Variants in GALNT13 observed in about 807,000 individuals in gnomAD.
GALNT13 encodes UDP-GalNAc:polypeptide N-acetylgalactosaminyltransferase 13.
A neutral mutation model predicts 64.2 loss-of-function variants in GALNT13; 28 were observed. The observed-to-expected ratio is 0.44, with a 90% CI of 0.32 to 0.60. The LOEUF (loss-of-function observed/expected upper bound fraction) is 0.60, where lower values mean the gene tolerates loss of function less well. Ranked by LOEUF, GALNT13 falls within the 20% of genes least tolerant of loss-of-function variation. The pLI is 0.05. For missense variants in GALNT13, 577 were observed against 669.8 expected, an observed-to-expected ratio of 0.86 and a Z score of 1.53; for synonymous variants, 214 against 224.6, an observed-to-expected ratio of 0.95 and a Z score of 0.42.
the GALNT13 span, among the ~76,000 whole-genome samples, chr2:153,391,681 G>C: frequency 9.5e-4 from 145 of 152,062 alleles, no homozygotes; most frequent in African/African-American, 3.4e-3. Flanking sequence ...ATTTATGATA[G>C]AGTATGAACT....
intron 11 of GALNT13, among the ~76,000 whole-genome samples, chr2:154,414,956 A>G (rs1023450125): frequency 2.6e-5 from 4 of 151,928 alleles, no homozygotes; most frequent in African/African-American, 9.7e-5. Context: ...TCATAGTCTT[A>G]TTAGGAATAT....
chr2:154,129,299 G>A (rs1287528494), intron 3 of GALNT13, among the ~76,000 whole-genome samples: 5 of 152,138 alleles, frequency 3.3e-5, no homozygotes, highest in African/African-American at 1.2e-4. Context: ...AGAAAGCAAA[G>A]TATGCTGGTC....
At chr2:153,951,656 C>A (rs759182042) in intron 3 of GALNT13, among the ~76,000 whole-genome samples, 1 of 152,018 alleles carries the variant, frequency 6.6e-6, no homozygotes, top group Non-Finnish European at 1.5e-5. Context: ...TGAGGGTGGA[C>A]TTTGAGTTTG....
At chr2:153,598,878 C>A in the GALNT13 span, among the ~76,000 whole-genome samples, 1 of 151,998 alleles carries the variant, frequency 6.6e-6, no homozygotes, top group South Asian at 2.1e-4. Flanking sequence ...CTGAAAAATT[C>A]TTTCAGTTGA....
the GALNT13 span, among the ~76,000 whole-genome samples, chr2:153,335,230 G>A: frequency 6.6e-6 from 1 of 152,132 alleles, no homozygotes; most frequent in Non-Finnish European, 1.5e-5. Flanking sequence ...CAGTAAGTTG[G>A]TATCAGTAGA....
chr2:153,383,969 A>G, the GALNT13 span, among the ~76,000 whole-genome samples: 2 of 151,798 alleles, frequency 1.3e-5, no homozygotes, highest in South Asian at 4.2e-4. Flanking sequence ...AAGTAAGATA[A>G]GATATTGACC....
At chr2:153,134,402 C>T in the GALNT13 span, among the ~76,000 whole-genome samples, 1 of 151,682 alleles carries the variant, frequency 6.6e-6, no homozygotes, top group Admixed American at 6.6e-5. Context: ...TTGTCATTTC[C>T]GGAAGTGAAT....
chr2:154,185,689 A>AT (rs930301983), intron 4 of GALNT13, among the ~76,000 whole-genome samples: 7 of 151,670 alleles, frequency 4.6e-5, no homozygotes, highest in African/African-American at 1.5e-4. Flanking sequence ...CAGAATTTCT[A>AT]TTTTTTTATA....
chr2:153,979,841 C>T (rs1460819593), intron 3 of GALNT13, among the ~76,000 whole-genome samples: 1 of 152,054 alleles, frequency 6.6e-6, no homozygotes, highest in African/African-American at 2.4e-5. Context: ...GTTTAAGCCT[C>T]GTCAAAAGTC....
At chr2:153,080,581 C>T in the GALNT13 span, among the ~76,000 whole-genome samples, 1 of 151,780 alleles carries the variant, frequency 6.6e-6, no homozygotes, top group Non-Finnish European at 1.5e-5. Context: ...GTTTTGTTTA[C>T]CCTTGAAAAA....
At chr2:154,084,873 T>G (rs1701450405) in intron 3 of GALNT13, among the ~76,000 whole-genome samples, 1 of 151,974 alleles carries the variant, frequency 6.6e-6, no homozygotes, top group African/African-American at 2.4e-5. Flanking sequence ...AACATTTGCC[T>G]TAAATTTGTT....
the GALNT13 span, among the ~76,000 whole-genome samples, chr2:153,101,732 G>C: frequency 1.3e-5 from 2 of 152,166 alleles, no homozygotes; most frequent in African/African-American, 2.4e-5. Flanking sequence ...CACAAAGAAG[G>C]CTGCAACAGA....
chr2:153,410,876 G>T, the GALNT13 span, among the ~76,000 whole-genome samples: 24,404 of 149,862 alleles, frequency 0.16, 2,979 homozygotes, highest in African/African-American at 0.34. Flanking sequence ...TATATATTTA[G>T]AGAGAGAGAG....
the GALNT13 span, among the ~76,000 whole-genome samples, chr2:153,803,848 C>A: frequency 2.0e-5 from 3 of 152,122 alleles, no homozygotes; most frequent in African/African-American, 4.8e-5. Flanking sequence ...ACCTATCTTG[C>A]CAGCACCTTA....
chr2:153,085,367 A>G, the GALNT13 span, among the ~76,000 whole-genome samples: 1 of 152,306 alleles, frequency 6.6e-6, no homozygotes, highest in East Asian at 1.9e-4. Flanking sequence ...TCTCCAGGGC[A>G]TGTCAGAGAC....
At chr2:154,151,140 T>C (rs560573291) in intron 4 of GALNT13, among the ~76,000 whole-genome samples, 300 of 152,240 alleles carry the variant, frequency 2.0e-3, no homozygotes, top group African/African-American at 6.4e-3. Flanking sequence ...TCTTTGTTCT[T>C]GTTGGTTTCA....
chr2:153,677,853 G>A, the GALNT13 span, among the ~76,000 whole-genome samples: 6 of 151,904 alleles, frequency 3.9e-5, no homozygotes, highest in South Asian at 2.1e-4. Flanking sequence ...AACTGGACCC[G>A]TTCCTTTTGC....
At chr2:153,847,430 A>G in the GALNT13 span, among the ~76,000 whole-genome samples, 1 of 152,042 alleles carries the variant, frequency 6.6e-6, no homozygotes. Context: ...AGTACATAAT[A>G]TTTCACCCTA....
At chr2:154,365,876 G>C (rs1449207419) in intron 9 of GALNT13, among the ~76,000 whole-genome samples, 1 of 152,160 alleles carries the variant, frequency 6.6e-6, no homozygotes, top group Admixed American at 6.5e-5. Context: ...AGAGTAATAA[G>C]TATTTTCCTC....
Sources: gnomAD v4.1 joint callset for allele counts (sites outside exome capture counted in the v4.1 genomes callset) on GRCh38, gnomAD v4.1.1 for gene constraint, MANE v1.5 for transcripts, NCBI Gene and HGNC (gene_info 2026-07-23, HGNC 2026-07-21) for gene names.